FREM2: variants seen among roughly 807,000 people sequenced by gnomAD.
FREM2 encodes the protein FRAS1 related extracellular matrix 2, also known as FRAS1-related extracellular matrix protein 2.
FREM2 carries 119 observed loss-of-function variants against 219.9 expected under a neutral mutation model. The ratio of observed to expected loss-of-function variants is 0.54; its 90% confidence interval spans 0.47 to 0.63. FREM2 has a LOEUF of 0.63. Among genes scored for constraint, FREM2 ranks in the 30% least tolerant of loss-of-function variants. The pLI is 0.00. For synonymous variants in FREM2, 1,562 were observed against 1,522.8 expected (o/e 1.03, Z -0.60); for missense variants, 4,030 against 3,993.6 (o/e 1.01, Z -0.25).
At chr13:38,702,284 TAAAC>T (rs1306598380) in intron 2 of FREM2, among the ~76,000 whole-genome samples, 3 of 152,228 alleles carry the variant, frequency 2.0e-5, no homozygotes, top group Admixed American at 6.5e-5. Flanking sequence ...ATATTATTCT[TAAAC>T]AAGCCTTTTC....
chr13:38,799,431 A>G (rs1874924856), intron 6 of FREM2, among the ~76,000 whole-genome samples: 1 of 152,090 alleles, frequency 6.6e-6, no homozygotes, highest in Non-Finnish European at 1.5e-5. Flanking sequence ...AATAATGTAT[A>G]TTCTGCAGTT....
chr13:38,705,472 T>C (rs952176270), intron 2 of FREM2, among the ~76,000 whole-genome samples: 5 of 152,322 alleles, frequency 3.3e-5, no homozygotes, highest in South Asian at 2.1e-4. Flanking sequence ...CTTTTGATCT[T>C]GCTTATCTTT....
chr13:38,707,544 C>T (rs545727609), intron 2 of FREM2, among the ~76,000 whole-genome samples: 1 of 152,266 alleles, frequency 6.6e-6, no homozygotes, highest in African/African-American at 2.4e-5. Context: ...TTCTCCATCC[C>T]TCTGCTGGAT....
chr13:38,704,411 T>C (rs1436802416), intron 2 of FREM2, among the ~76,000 whole-genome samples: 1 of 152,174 alleles, frequency 6.6e-6, no homozygotes, highest in Non-Finnish European at 1.5e-5. Context: ...GAAAGGCACC[T>C]GAAAGGTGGT....
intron 4 of FREM2, among the ~76,000 whole-genome samples, chr13:38,779,140 C>T (rs1874001894): frequency 6.6e-6 from 1 of 151,748 alleles, no homozygotes; most frequent in South Asian, 2.1e-4. Flanking sequence ...GAAAACCAGA[C>T]ACTGCATGTT....
At chr13:38,731,044 G>T (rs1871747277) in intron 2 of FREM2, among the ~76,000 whole-genome samples, 1 of 151,694 alleles carries the variant, frequency 6.6e-6, no homozygotes, top group African/African-American at 2.4e-5. Flanking sequence ...AAACTCTTTG[G>T]CAAAGCTTAA....
In FREM2 at chr13:38,856,322, A is replaced by G. The variant is rs1877559764; in HGVS notation, c.7056+66A>G. On this transcript the variant is annotated intron_variant, in intron 12 of 23. Transcript: ENST00000280481. ...TTGTCAGAGGAAATGCATAAAAGCA[A>G]TCACATAGTGTACAACAAAATGAGG... 5 of 1,427,366 alleles carry G rather than the reference A, an allele frequency of 3.5e-6. No homozygotes were observed. In the African/African-American group the frequency reaches 4.2e-5, roughly 12 times the overall value. The allele number at this position is 1,427,366 out of a possible 1,614,324, so 88.4% of individuals were successfully genotyped here. A position where few individuals can be genotyped will look rare whatever the true frequency, so the allele number is the denominator to read the frequency against.
At chr13:38,763,925 A>G (rs9532275) in intron 2 of FREM2, among the ~76,000 whole-genome samples, 42,301 of 152,104 alleles carry the variant, frequency 0.28, 7,545 homozygotes, top group Non-Finnish European at 0.4. Context: ...TTAGAACATC[A>G]CAAAGGAGCC....
chr13:38,730,805 ATTGT>A (rs1566120430), intron 2 of FREM2, among the ~76,000 whole-genome samples: 2 of 152,108 alleles, frequency 1.3e-5, no homozygotes, highest in East Asian at 1.9e-4. Context: ...CAGAAATATT[ATTGT>A]TTGTGTATTA....
Position 38,769,790 on chromosome 13 carries a change from A to G in FREM2, c.5623A>G (p.Ile1875Val), listed in dbSNP as rs760825905. The G allele has an allele frequency of 3.7e-6, 6 of 1,613,836 alleles. No individual in the cohort carries two copies. The highest frequency in any genetic ancestry group is 1.1e-5 in the South Asian group (1 of 91,076). Residue 1875 changes from isoleucine to valine, a missense_variant, in exon 4 of 24, where the codon ATC becomes GTC. Physicochemically the swap from Ile to Val is conservative, Grantham distance 29. This residue lies in a region of FREM2 where 3,102 missense variants were observed against 2,950.7 expected (regional missense o/e 1.05). Transcript: ENST00000280481. ...LEFPTVATVE[I>V]VDPGDEPTVF... ...ATTCCCCACAGTCGCCACTGTTGAG[A>G]TCGTTGATCCAGGAGATGGTAAGAG...
chr13:38,883,763 A>G lies in FREM2; in HGVS notation c.*2976A>G, dbSNP rs561278105. On this transcript the variant is annotated 3_prime_UTR_variant, in exon 24 of 24. Coordinates refer to ENST00000280481, the MANE Select transcript of FREM2 (RefSeq NM_207361.6). ...AGATTCTCTCCTGAACCAAAAACACAACAGTCATTATCTGTGAACCATAAT... is the reference window on the plus strand; with the variant it reads ...AGATTCTCTCCTGAACCAAAAACACGACAGTCATTATCTGTGAACCATAAT... The G allele has an allele frequency of 7.2e-5, 11 of 152,326 alleles. No homozygotes were observed. The East Asian group carries it at 2.1e-3, about 29-fold the overall frequency. 9.4% of individuals were successfully genotyped at this position (152,326 alleles called of 1,614,324 possible). A position where few individuals can be genotyped will look rare whatever the true frequency, so the allele number is the denominator to read the frequency against.
chr13:38,872,991 A>T, intron 17 of FREM2, 57 bp downstream of exon 17: 1 of 1,530,082 alleles, frequency 6.5e-7, no homozygotes, highest in Non-Finnish European at 9.0e-7. Flanking sequence ...AAACTATTTA[A>T]GACGATTTTT....
chr13:38,766,987 C>T (rs1873461691), intron 3 of FREM2, among the ~76,000 whole-genome samples: 1 of 152,106 alleles, frequency 6.6e-6, no homozygotes, highest in Non-Finnish European at 1.5e-5. Flanking sequence ...TTCCCAATAC[C>T]CTACCTAGGT....
intron 2 of FREM2, 111 bp from the exon 3 acceptor site, chr13:38,764,193 T>C (rs2137809099): frequency 1.3e-6 from 1 of 776,532 alleles, no homozygotes; most frequent in African/African-American, 1.7e-5. Context: ...TGTATCAAAC[T>C]AAGTAGCTGT....
At chr13:38,782,600 C>T (rs1311280952) in intron 4 of FREM2, among the ~76,000 whole-genome samples, 1 of 152,186 alleles carries the variant, frequency 6.6e-6, no homozygotes, top group Non-Finnish European at 1.5e-5. Flanking sequence ...ACAGACATTT[C>T]AAGATCTGAG....
chr13:38,802,369 T>C (rs1875048083), intron 6 of FREM2, among the ~76,000 whole-genome samples: 1 of 152,098 alleles, frequency 6.6e-6, no homozygotes, highest in South Asian at 2.1e-4. Context: ...CTCTCCTTTT[T>C]TGGCCCAGCA....
At chr13:38,792,684 G>A (rs1343187930) in intron 6 of FREM2, among the ~76,000 whole-genome samples, 3 of 152,208 alleles carry the variant, frequency 2.0e-5, no homozygotes, top group Non-Finnish European at 4.4e-5. Flanking sequence ...GTCTTAAAAT[G>A]TATCCTCCAC....
intron 2 of FREM2, among the ~76,000 whole-genome samples, chr13:38,721,488 T>G (rs1341855128): frequency 3.9e-5 from 6 of 152,026 alleles, no homozygotes; most frequent in Non-Finnish European, 8.8e-5. Context: ...AGTCAGTGAG[T>G]GCATTTGTTT....
chr13:38,763,884 A>G, intron 2 of FREM2, among the ~76,000 whole-genome samples: 1 of 152,196 alleles, frequency 6.6e-6, no homozygotes, highest in East Asian at 1.9e-4. Context: ...GTGAACCGGA[A>G]AAAGTATTTG....
Sources: allele counts gnomAD v4.1 joint callset (sites outside exome capture counted in the v4.1 genomes callset), GRCh38; gene constraint gnomAD v4.1.1; regional missense constraint gnomAD v4.1.1; transcripts MANE v1.5; gene names NCBI Gene and HGNC (gene_info 2026-07-23, HGNC 2026-07-21).